Variants in UGT1A6 observed in about 807,000 individuals in gnomAD.
UGT1A6 encodes UDP glucuronosyltransferase family 1 member A6, also known as UDP-glucuronosyltransferase 1A6.
UGT1A6 carries 32 observed loss-of-function variants against 44.4 expected under a neutral mutation model. That is an observed-to-expected ratio of 0.72 (90% CI 0.54 to 0.97). UGT1A6 has a LOEUF of 0.97. Among genes scored for constraint, UGT1A6 ranks in the 50% least tolerant of loss-of-function variants. UGT1A6 has a pLI of 0.00. For missense variants in UGT1A6, 685 were observed against 661.9 expected, an observed-to-expected ratio of 1.03 and a Z score of -0.38; for synonymous variants, 238 against 248.5, an observed-to-expected ratio of 0.96 and a Z score of 0.40.
chr2:233,755,064 C>A, intron 1 of UGT1A6: 1 of 1,335,842 alleles, frequency 7.5e-7, no homozygotes, highest in African/African-American at 1.5e-5. Flanking sequence ...CCTCGCCTCG[C>A]CATAGCGGTC....
chr2:233,732,435 G>T (rs1198831061), intron 1 of UGT1A6, among the ~76,000 whole-genome samples: 2 of 152,234 alleles, frequency 1.3e-5, no homozygotes, highest in Admixed American at 6.5e-5. Flanking sequence ...GGATTTTTAT[G>T]GTTTTAGGTC....
intron 1 of UGT1A6, chr2:233,713,618 A>G (rs768642808): frequency 1.2e-6 from 2 of 1,613,968 alleles, no homozygotes; most frequent in Admixed American, 1.7e-5. Flanking sequence ...CATTCCTGCA[A>G]AGGGTCAAGA....
At chr2:233,760,458 A>C (rs1336419159) in intron 1 of UGT1A6, 1 of 1,614,212 alleles carries the variant, frequency 6.2e-7, no homozygotes, top group South Asian at 1.1e-5. Context: ...GACATGAAAT[A>C]GTTGTCCTAG....
intron 1 of UGT1A6, among the ~76,000 whole-genome samples, chr2:233,705,039 G>A (rs2075818436): frequency 6.6e-6 from 1 of 152,078 alleles, no homozygotes; most frequent in Non-Finnish European, 1.5e-5. Flanking sequence ...GGGAGGCTGA[G>A]GCAGGAGAAT....
At position 233,713,108 on chromosome 2, in the gene UGT1A6, C is replaced by T. The variant is rs752381189; in HGVS notation, c.861+19243C>T. Reference sequence around the variant, plus strand: ...TGCTGGTGGTGCCCACTGATGGCAGCCACTGGCTCAGCATGCGGGAGGCCT... The same window carrying T: ...TGCTGGTGGTGCCCACTGATGGCAGTCACTGGCTCAGCATGCGGGAGGCCT... On this transcript the variant is annotated intron_variant, in intron 1 of 4. Coordinates refer to ENST00000305139, the MANE Select transcript of UGT1A6 (RefSeq NM_001072.4). The T allele has an allele frequency of 2.3e-5, 37 of 1,614,062 alleles. No homozygotes were observed. The South Asian group carries it at 3.5e-4, about 15-fold the overall frequency.
chr2:233,772,660 A>C lies in UGT1A6; in HGVS notation c.*101A>C. Reference sequence around the variant, plus strand: ...AAATTCATTTTATTCTTATTAAGGAAATACTTTGCATAAATTAATCAGCCC... The same window carrying C: ...AAATTCATTTTATTCTTATTAAGGACATACTTTGCATAAATTAATCAGCCC... On this transcript the variant is annotated 3_prime_UTR_variant, in exon 5 of 5. Transcript: ENST00000305139. 1 of 1,542,072 alleles carries C rather than the reference A, an allele frequency of 6.5e-7. No homozygotes were observed. The highest frequency in any genetic ancestry group is 8.7e-7 in the Non-Finnish European group (1 of 1,144,950).
chr2:233,724,455 C>T lies in UGT1A6; in HGVS notation c.861+30590C>T, dbSNP rs528357739. The stretch of plus-strand genomic sequence containing the variant: ...CTCACTTCTCAGACAGGGCAGCTGC[C>T]GGGCGGAGGGGCTCCTCACTTCTCA... On this transcript the variant is annotated intron_variant, in intron 1 of 4. Transcript: ENST00000305139. Among the ~76,000 whole-genome samples, 1,260 of 127,892 alleles carry T rather than the reference C, an allele frequency of 9.9e-3. 63 individuals carry two copies. The highest frequency in any genetic ancestry group is 0.036 in the African/African-American group (1,175 of 32,784). 83.9% of individuals were successfully genotyped at this position (127,892 alleles called of 152,430 possible).
At chr2:233,724,443 C>A in intron 1 of UGT1A6, among the ~76,000 whole-genome samples, 1 of 122,836 alleles carries the variant, frequency 8.1e-6, no homozygotes, top group Non-Finnish European at 1.7e-5. Flanking sequence ...ACTTCTCAGA[C>A]AGGGCAGCTG....
intron 1 of UGT1A6, among the ~76,000 whole-genome samples, chr2:233,757,259 G>T (rs1043917928): frequency 2.0e-5 from 3 of 146,774 alleles, no homozygotes; most frequent in African/African-American, 7.6e-5. Context: ...TTATTCAGGT[G>T]GCAGCCGATG....
chr2:233,707,313 A>C (rs1246275498), intron 1 of UGT1A6, among the ~76,000 whole-genome samples: 1 of 152,146 alleles, frequency 6.6e-6, no homozygotes, highest in African/African-American at 2.4e-5. Flanking sequence ...TTTGTTACAT[A>C]GCTAAACATG....
chr2:233,766,561 C>T (rs1699182212), intron 1 of UGT1A6, among the ~76,000 whole-genome samples: 1 of 152,200 alleles, frequency 6.6e-6, no homozygotes, highest in Non-Finnish European at 1.5e-5. Context: ...CACCTAGGTC[C>T]ATGGGCACAG....
intron 1 of UGT1A6, among the ~76,000 whole-genome samples, chr2:233,733,174 GC>G (rs2078363490): frequency 6.6e-6 from 1 of 152,204 alleles, no homozygotes; most frequent in South Asian, 2.1e-4. Context: ...CTGGGACTTT[GC>G]TGAAGTTGCT....
At chr2:233,713,145 C>A in intron 1 of UGT1A6, 1 of 1,614,224 alleles carries the variant, frequency 6.2e-7, no homozygotes, top group Non-Finnish European at 8.5e-7. Flanking sequence ...GCGGGACCTC[C>A]ATGCGAGAGG....
chr2:233,728,156 C>T (rs2077686156), intron 1 of UGT1A6, among the ~76,000 whole-genome samples: 1 of 152,250 alleles, frequency 6.6e-6, no homozygotes, highest in Non-Finnish European at 1.5e-5. Context: ...GCAGCCCATT[C>T]TGTTCTGGAG....
chr2:233,725,261 AGAG>A lies in UGT1A6; in HGVS notation c.861+31401_861+31403del, dbSNP rs754749858. 7.0e-4 allele frequency among the ~76,000 whole-genome samples: 22 copies of A among 31,252 alleles called. 3 individuals carry two copies. The highest frequency in any genetic ancestry group is 4.3e-3 in the African/African-American group (20 of 4,634). The allele number at this position is 31,252 out of a possible 152,430, so 20.5% of individuals were successfully genotyped here. A position where few individuals can be genotyped will look rare whatever the true frequency, so the allele number is the denominator to read the frequency against. ...AGGCAGAGGCAGAGGAGGCAGAGGC[AGAG>A]GAGGCAGAGGCAGAGGCAGAGGCAG... On this transcript the variant is annotated intron_variant, in intron 1 of 4. Transcript: ENST00000305139.
intron 1 of UGT1A6, chr2:233,721,958 T>G (rs1019099547): frequency 6.3e-6 from 2 of 316,544 alleles, no homozygotes; most frequent in Non-Finnish European, 1.3e-5. Flanking sequence ...TCTTTGTATA[T>G]GCATACATTG....
At chr2:233,740,213 C>T (rs984335401) in intron 1 of UGT1A6, among the ~76,000 whole-genome samples, 14 of 151,922 alleles carry the variant, frequency 9.2e-5, no homozygotes, top group Middle Eastern at 3.4e-3. Flanking sequence ...TACCCAGTCT[C>T]AGCTGCGTCT....
intron 1 of UGT1A6, chr2:233,729,928 C>T (rs1300778584): frequency 1.2e-6 from 2 of 1,613,898 alleles, no homozygotes; most frequent in Non-Finnish European, 1.7e-6. Flanking sequence ...CTACCCCAGG[C>T]CAATCATGCC....
intron 1 of UGT1A6, among the ~76,000 whole-genome samples, chr2:233,765,711 T>TTAATAATAA (rs10664358): frequency 0.012 from 1,790 of 149,272 alleles, 15 homozygotes; most frequent in Middle Eastern, 0.045. Context: ...ATAATAATAA[T>TTAATAATAA]TAATAATAAT....
Sources: gnomAD v4.1 joint callset for allele counts (sites outside exome capture counted in the v4.1 genomes callset) on GRCh38, gnomAD v4.1.1 for gene constraint, MANE v1.5 for transcripts, NCBI Gene and HGNC (gene_info 2026-07-23, HGNC 2026-07-21) for gene names.